Variants in DUSP23 observed in about 807,000 individuals in gnomAD.
DUSP23 encodes the protein dual specificity protein phosphatase 23.
A neutral mutation model predicts 13.3 loss-of-function variants in DUSP23; 10 were observed. That is an observed-to-expected ratio of 0.75 (90% CI 0.46 to 1.27). The LOEUF (loss-of-function observed/expected upper bound fraction) is 1.27. Ranked by LOEUF, DUSP23 falls within the 50% of genes most tolerant of loss-of-function variation. DUSP23 has a pLI of 0.00. For missense variants in DUSP23, 228 were observed against 204.8 expected, an observed-to-expected ratio of 1.11 and a Z score of -0.69; for synonymous variants, 107 against 95.3, an observed-to-expected ratio of 1.12 and a Z score of -0.72.
At position 159,780,979 on chromosome 1, in the gene DUSP23, A is replaced by C; in HGVS notation, c.-122A>C. 7.8e-7 allele frequency: 1 copy of C among 1,275,998 alleles called. No homozygotes were observed. The highest frequency in any genetic ancestry group is 1.0e-6 in the Non-Finnish European group (1 of 965,554). The allele number at this position is 1,275,998 out of a possible 1,614,324, so 79.0% of individuals were successfully genotyped here. ...CGCCCTGCAGACCACGTGGCCCGGG[A>C]GGCGCCGAGGCCAGGTAGGTGGTGA... On this transcript the variant is annotated 5_prime_UTR_variant, in exon 1 of 2. Coordinates refer to ENST00000368107, the MANE Select transcript of DUSP23 (RefSeq NM_001319658.2).
At position 159,781,254 on chromosome 1, in the gene DUSP23, A is replaced by G. The variant is rs1200602811; in HGVS notation, c.154A>G (p.Ser52Gly). The change falls in exon 1 of 2, where the codon AGC becomes GGC. Residue 52 changes from serine to glycine, a missense_variant. By Grantham distance (56) the Ser-to-Gly change is moderately conservative. Transcript: ENST00000368107. ...LTERGPPHSDSCPGLTLHRLR... is the reference protein window; with the variant it reads ...LTERGPPHSDGCPGLTLHRLR... ...GGAGCGCGGGCCCCCTCACAGCGAC[A>G]GCTGCCCCGGCCTCACCCTGCACCG... 34 of 1,548,836 alleles carry G rather than the reference A, an allele frequency of 2.2e-5. No homozygotes were observed. Among genetic ancestry groups the G allele is most frequent in the Non-Finnish European group, 2.7e-5 (31 of 1,146,312 alleles).
intron 1 of DUSP23, 44 bp from the exon 2 acceptor site, chr1:159,782,109 G>A: frequency 1.2e-6 from 2 of 1,602,550 alleles, no homozygotes. Flanking sequence ...AAACAGTTGT[G>A]GGTGGGGGAG....
intron 1 of DUSP23, among the ~76,000 whole-genome samples, chr1:159,781,775 G>A (rs1661880097): frequency 6.6e-6 from 1 of 152,196 alleles, no homozygotes; most frequent in South Asian, 2.1e-4. Flanking sequence ...AAGCAGGGAA[G>A]CAGATAAAAT....
Position 159,781,167 on chromosome 1 carries a change from C to A in DUSP23, c.67C>A (p.Arg23=), listed in dbSNP as rs768329310. 2.2e-5 allele frequency: 34 copies of A among 1,548,878 alleles called. No homozygotes were observed. The Admixed American group carries it at 6.5e-4, about 30-fold the overall frequency. The change falls in exon 1 of 2, where the codon CGG becomes AGG. Residue 23 remains arginine, a synonymous_variant. Coordinates refer to ENST00000368107, the MANE Select transcript of DUSP23 (RefSeq NM_001319658.2). The stretch of plus-strand genomic sequence containing the variant: ...CCGGCTGGCGGGACTGGCGCTGCCG[C>A]GGCTCCCCGCCCACTACCAGTTCCT... ...PGRLAGLALP[R]LPAHYQFLLD...
rs756645706 is a variant in DUSP23 at position 159,782,379 on chromosome 1, C to T, written c.*41C>T. Reference sequence around the variant, plus strand: ...TTCTACCAGGCCCTCACTCCCCTTCCCCATGTTGTCGATGGGGCCAGAGAT... The same window carrying T: ...TTCTACCAGGCCCTCACTCCCCTTCTCCATGTTGTCGATGGGGCCAGAGAT... On this transcript the variant is annotated 3_prime_UTR_variant, in exon 2 of 2. Transcript: ENST00000368107. The T allele has an allele frequency of 6.6e-5, 105 of 1,602,460 alleles. No homozygotes were observed. In the South Asian group the frequency reaches 1.1e-3, roughly 17 times the overall value.
rs1557862066 is a variant in DUSP23 at position 159,781,254 on chromosome 1, A to AGAGGGG, written c.155_156insAGGGGG (p.Ser52delinsArgGlyGly). On this transcript the variant is annotated protein_altering_variant, in exon 1 of 2. Coordinates refer to ENST00000368107, the MANE Select transcript of DUSP23 (RefSeq NM_001319658.2). ...GGAGCGCGGGCCCCCTCACAGCGACAGCTGCCCCGGCCTCACCCTGCACCG... is the reference window on the plus strand; with the variant it reads ...GGAGCGCGGGCCCCCTCACAGCGACAGAGGGGGCTGCCCCGGCCTCACCCTGCACCG... The AGAGGGG allele has an allele frequency of 1.3e-6, 2 of 1,548,954 alleles. No individual in the cohort carries two copies. The highest frequency in any genetic ancestry group is 3.9e-5 in the Admixed American group (2 of 50,954).
Position 159,781,262 on chromosome 1 carries a change from C to G in DUSP23, c.162C>G (p.Pro54=), listed in dbSNP as rs760723393. Residue 54 remains proline (P), a synonymous_variant, in exon 1 of 2, where the codon CCC becomes CCG. Transcript: ENST00000368107. ...GGCCCCCTCACAGCGACAGCTGCCC[C>G]GGCCTCACCCTGCACCGCCTGCGCA... ...ERGPPHSDSC[P]GLTLHRLRIP... 6.5e-7 allele frequency: 1 copy of G among 1,548,740 alleles called. No homozygotes were observed. The highest frequency in any genetic ancestry group is 1.2e-5 in the South Asian group (1 of 83,934).
At position 159,781,221 on chromosome 1, in the gene DUSP23, T is replaced by C; in HGVS notation, c.121T>C (p.Ser41Pro). The C allele has an allele frequency of 1.3e-6, 2 of 1,549,380 alleles. No homozygotes were observed. The highest frequency in any genetic ancestry group is 1.7e-6 in the Non-Finnish European group (2 of 1,146,408). The change falls in exon 1 of 2, where the codon TCC becomes CCC. Residue 41 changes from serine to proline, a missense_variant. Coordinates refer to ENST00000368107, the MANE Select transcript of DUSP23 (RefSeq NM_001319658.2). ...GGACCTGGGCGTGCGGCACCTGGTG[T>C]CCCTGACGGAGCGCGGGCCCCCTCA... ...LLDLGVRHLV[S>P]LTERGPPHSD...
intron 1 of DUSP23, 91 bp from the exon 2 acceptor site, chr1:159,782,059 CAGA>C: frequency 2.1e-6 from 3 of 1,448,536 alleles, no homozygotes; most frequent in Non-Finnish European, 2.8e-6. Context: ...GGACCTGGCA[CAGA>C]AGAAGGAGCT....
At position 159,781,274 on chromosome 1, in the gene DUSP23, G is replaced by T. The variant is rs764202461; in HGVS notation, c.174G>T (p.Leu58=). 6.5e-7 allele frequency: 1 copy of T among 1,547,890 alleles called. No homozygotes were observed. Among genetic ancestry groups the T allele is most frequent in the South Asian group, 1.2e-5 (1 of 83,862 alleles). ...PHSDSCPGLT[L]HRLRIPDFCP... ...GCGACAGCTGCCCCGGCCTCACCCT[G>T]CACCGCCTGCGCATCCCCGACTTCT... is the stretch of plus-strand genomic sequence containing the variant. Residue 58 remains leucine (L), a synonymous_variant, in exon 1 of 2, where the codon CTG becomes CTT. Coordinates refer to ENST00000368107, the MANE Select transcript of DUSP23 (RefSeq NM_001319658.2).
At position 159,781,255 on chromosome 1, in the gene DUSP23, G is replaced by A. The variant is rs1278882417; in HGVS notation, c.155G>A (p.Ser52Asn). 6.5e-7 allele frequency: 1 copy of A among 1,548,820 alleles called. No individual in the cohort carries two copies. Among genetic ancestry groups the A allele is most frequent in the African/African-American group, 1.4e-5 (1 of 73,062 alleles). ...GAGCGCGGGCCCCCTCACAGCGACAGCTGCCCCGGCCTCACCCTGCACCGC... is the reference window on the plus strand; with the variant it reads ...GAGCGCGGGCCCCCTCACAGCGACAACTGCCCCGGCCTCACCCTGCACCGC... ...LTERGPPHSD[S>N]CPGLTLHRLR... Residue 52 changes from serine to asparagine, a missense_variant, in exon 1 of 2, where the codon AGC (serine) becomes AAC (asparagine). Coordinates refer to ENST00000368107, the MANE Select transcript of DUSP23 (RefSeq NM_001319658.2).
Position 159,781,175 on chromosome 1 carries a change from C to A in DUSP23, c.75C>A (p.Pro25=). 6.5e-7 allele frequency: 1 copy of A among 1,549,260 alleles called. No homozygotes were observed. Among genetic ancestry groups the A allele is most frequent in the Non-Finnish European group, 8.7e-7 (1 of 1,146,542 alleles). ...CGGGACTGGCGCTGCCGCGGCTCCC[C>A]GCCCACTACCAGTTCCTGTTGGACC... ...RLAGLALPRL[P]AHYQFLLDLG... is the part of the protein sequence containing the mutation. The change falls in exon 1 of 2, where the codon CCC becomes CCA. Residue 25 remains proline, a synonymous_variant. Coordinates refer to ENST00000368107, the MANE Select transcript of DUSP23 (RefSeq NM_001319658.2).
chr1:159,782,427 T>C lies in DUSP23; in HGVS notation c.*89T>C. The C allele has an allele frequency of 6.9e-7, 1 of 1,452,582 alleles. No individual in the cohort carries two copies. Among genetic ancestry groups the C allele is most frequent in the Non-Finnish European group, 9.4e-7 (1 of 1,068,390 alleles). The allele number at this position is 1,452,582 out of a possible 1,614,324, so 90.0% of individuals were successfully genotyped here. A position where few individuals can be genotyped will look rare whatever the true frequency, so the allele number is the denominator to read the frequency against. On this transcript the variant is annotated 3_prime_UTR_variant, in exon 2 of 2. Transcript: ENST00000368107. ...GATGAAGGGAAGTGGACTAAAGTATTAAACCCTCTAGCTCCCATTGGCTGA... is the reference window on the plus strand; with the variant it reads ...GATGAAGGGAAGTGGACTAAAGTATCAAACCCTCTAGCTCCCATTGGCTGA...
In DUSP23 at chr1:159,781,126, C is replaced by A; in HGVS notation, c.26C>A (p.Ser9Tyr). ...ATGGGCGTGCAGCCCCCCAACTTCTCCTGGGTGCTTCCGGGCCGGCTGGCG... is the reference window on the plus strand; with the variant it reads ...ATGGGCGTGCAGCCCCCCAACTTCTACTGGGTGCTTCCGGGCCGGCTGGCG... MGVQPPNF[S>Y]WVLPGRLAGL... Residue 9 changes from serine to tyrosine, a missense_variant, in exon 1 of 2, where the codon TCC (serine) becomes TAC (tyrosine). Ser to Tyr is a moderately radical substitution (Grantham distance 144). Coordinates refer to ENST00000368107, the MANE Select transcript of DUSP23 (RefSeq NM_001319658.2). 6.5e-7 allele frequency: 1 copy of A among 1,547,786 alleles called. No individual in the cohort carries two copies. The highest frequency in any genetic ancestry group is 8.7e-7 in the Non-Finnish European group (1 of 1,146,452).
intron 1 of DUSP23, 62 bp downstream of exon 1, chr1:159,781,429 G>T (rs1661868920): frequency 1.4e-6 from 2 of 1,431,388 alleles, no homozygotes; most frequent in Non-Finnish European, 1.8e-6. Flanking sequence ...GGACACGGGC[G>T]GAGCTGGGGA....
At chr1:159,782,092 G>A in intron 1 of DUSP23, 61 bp from the exon 2 acceptor site, 3 of 1,582,052 alleles carry the variant, frequency 1.9e-6, no homozygotes, top group African/African-American at 1.3e-5. Context: ...ACCAAGTGAG[G>A]GGCAGGAAAC....
chr1:159,782,174 C>G lies in DUSP23; in HGVS notation c.289C>G (p.Leu97Val), dbSNP rs1458302519. ...RGEAVGVHCALGFGRTGTMLA... is the reference protein window; with the variant it reads ...RGEAVGVHCAVGFGRTGTMLA... Reference sequence around the variant, plus strand: ...GTAGGCTGTGGGAGTGCACTGTGCTCTGGGCTTTGGCCGCACTGGCACCAT... The same window carrying G: ...GTAGGCTGTGGGAGTGCACTGTGCTGTGGGCTTTGGCCGCACTGGCACCAT... The change falls in exon 2 of 2, where the codon CTG becomes GTG. Residue 97 changes from leucine to valine, a missense_variant. Physicochemically the swap from Leu to Val is conservative, Grantham distance 32. Coordinates refer to ENST00000368107, the MANE Select transcript of DUSP23 (RefSeq NM_001319658.2). 1 of 1,614,020 alleles carries G rather than the reference C, an allele frequency of 6.2e-7. No individual in the cohort carries two copies. The highest frequency in any genetic ancestry group is 8.5e-7 in the Non-Finnish European group (1 of 1,180,050).
chr1:159,782,465 A>G lies in DUSP23; in HGVS notation c.*127A>G, dbSNP rs151195156. On this transcript the variant is annotated 3_prime_UTR_variant, in exon 2 of 2. Transcript: ENST00000368107. ...TCCCATTGGCTGAAGACACTGAAGTAGCCCACCCCTGCAGGCAGGTCCTGA... is the reference window on the plus strand; with the variant it reads ...TCCCATTGGCTGAAGACACTGAAGTGGCCCACCCCTGCAGGCAGGTCCTGA... The G allele has an allele frequency of 2.1e-4, 238 of 1,128,532 alleles. 1 individual carries two copies. In the South Asian group the frequency reaches 2.7e-3, roughly 13 times the overall value. 69.9% of individuals were successfully genotyped at this position (1,128,532 alleles called of 1,614,324 possible).
rs1274168145 is a variant in DUSP23 at position 159,781,127 on chromosome 1, C to T, written c.27C>T (p.Ser9=). The T allele has an allele frequency of 1.3e-6, 2 of 1,548,078 alleles. No individual in the cohort carries two copies. Among genetic ancestry groups the T allele is most frequent in the East Asian group, 2.4e-5 (1 of 40,890 alleles). MGVQPPNF[S]WVLPGRLAGL... is the part of the protein sequence containing the mutation. ...TGGGCGTGCAGCCCCCCAACTTCTC[C>T]TGGGTGCTTCCGGGCCGGCTGGCGG... The change falls in exon 1 of 2, where the codon TCC becomes TCT. Residue 9 remains serine, a synonymous_variant. Coordinates refer to ENST00000368107, the MANE Select transcript of DUSP23 (RefSeq NM_001319658.2).
Sources: gnomAD v4.1 joint callset for allele counts (sites outside exome capture counted in the v4.1 genomes callset) on GRCh38, gnomAD v4.1.1 for gene constraint, MANE v1.5 for transcripts, NCBI Gene and HGNC (gene_info 2026-07-23, HGNC 2026-07-21) for gene names.